The following WWTR1 variants were observed in gnomAD, a reference collection of about 807,000 sequenced individuals.
The protein encoded by WWTR1 is WW domain-containing transcription regulator protein 1.
A neutral mutation model predicts 40.1 loss-of-function variants in WWTR1; 13 were observed. That is an observed-to-expected ratio of 0.32 (90% CI 0.21 to 0.52). WWTR1 has a LOEUF of 0.52. WWTR1 is among the 20% of genes least tolerant of loss of function. The pLI is 0.97. For missense variants in WWTR1, 436 were observed against 523.1 expected (o/e 0.83, Z 1.63); for synonymous variants, 230 against 210.1 (o/e 1.09, Z -0.82).
intron 2 of WWTR1, among the ~76,000 whole-genome samples, chr3:149,667,237 T>C (rs937680805): frequency 6.6e-6 from 1 of 152,104 alleles, no homozygotes; most frequent in Non-Finnish European, 1.5e-5. Flanking sequence ...TGCATTTTGT[T>C]ATAGGAAAAA....
In WWTR1 at chr3:149,542,512, C is replaced by T; in HGVS notation, c.594G>A (p.Gln198=). 1.2e-6 allele frequency: 2 copies of T among 1,612,860 alleles called. No homozygotes were observed. Among genetic ancestry groups the T allele is most frequent in the Non-Finnish European group, 1.7e-6 (2 of 1,179,284 alleles). ...NLVMNHQHQQ[Q]MAPSTLSQQN... ...GCTGGCTCAGGGTACTGGGGGCCAT[C>T]TGCTGCTGGTGTTGGTGATTCATCA... is the stretch of plus-strand genomic sequence containing the variant. Residue 198 remains glutamine (Q), a synonymous_variant, in exon 4 of 7, where the codon CAG becomes CAA. Coordinates refer to ENST00000360632, the MANE Select transcript of WWTR1 (RefSeq NM_015472.6).
intron 2 of WWTR1, among the ~76,000 whole-genome samples, chr3:149,666,364 G>A (rs1713818391): frequency 6.6e-6 from 1 of 152,106 alleles, no homozygotes; most frequent in South Asian, 2.1e-4. Context: ...CAGTGCCTGT[G>A]GGCACCAGTT....
intron 4 of WWTR1, among the ~76,000 whole-genome samples, chr3:149,538,370 C>T (rs1386066523): frequency 6.6e-6 from 1 of 152,078 alleles, no homozygotes; most frequent in Non-Finnish European, 1.5e-5. Context: ...GCCTCACAGC[C>T]TTTGGGAAAT....
intron 3 of WWTR1, among the ~76,000 whole-genome samples, chr3:149,562,253 C>A (rs1308405799): frequency 1.3e-5 from 2 of 151,266 alleles, no homozygotes; most frequent in African/African-American, 4.9e-5. Flanking sequence ...CGAGGTCTTG[C>A]CACTGCACTC....
At chr3:149,724,346 T>C (rs1715823575) in intron 3 of WWTR1, 1 of 152,160 alleles carries the variant, frequency 6.6e-6, no homozygotes, top group Admixed American at 6.6e-5. Context: ...TTCCTGACAA[T>C]TCGTGGCTTC....
At chr3:149,640,411 T>C (rs1712102862) in intron 2 of WWTR1, among the ~76,000 whole-genome samples, 1 of 151,976 alleles carries the variant, frequency 6.6e-6, no homozygotes, top group Non-Finnish European at 1.5e-5. Context: ...TTAGAACCAA[T>C]ATAGATTGGT....
At chr3:149,694,847 A>G (rs1334330886) in intron 1 of WWTR1, among the ~76,000 whole-genome samples, 1 of 152,228 alleles carries the variant, frequency 6.6e-6, no homozygotes, top group African/African-American at 2.4e-5. Flanking sequence ...TATATCGAAG[A>G]GATGTCTGCA....
intron 4 of WWTR1, 111 bp downstream of exon 4, chr3:149,542,224 C>G: frequency 1.6e-6 from 2 of 1,277,426 alleles, no homozygotes; most frequent in African/African-American, 1.5e-5. Flanking sequence ...GCTTTGAGCC[C>G]TATTGTCTCT....
intron 2 of WWTR1, among the ~76,000 whole-genome samples, chr3:149,592,769 G>A (rs1382322001): frequency 2.0e-5 from 3 of 152,096 alleles, no homozygotes; most frequent in Non-Finnish European, 4.4e-5. Context: ...TTCTTAGTGT[G>A]CTTTCGAAAT....
intron 2 of WWTR1, among the ~76,000 whole-genome samples, chr3:149,606,771 A>T (rs1241385558): frequency 2.0e-5 from 3 of 152,248 alleles, no homozygotes; most frequent in African/African-American, 7.2e-5. Flanking sequence ...ACTCAGGGAA[A>T]GCTTCCATAA....
At chr3:149,671,387 G>A (rs888178256) in intron 1 of WWTR1, among the ~76,000 whole-genome samples, 1 of 152,118 alleles carries the variant, frequency 6.6e-6, no homozygotes, top group East Asian at 1.9e-4. Context: ...ATTCAGCCCA[G>A]GGAATCTACG....
chr3:149,563,541 T>C (rs940881707), intron 3 of WWTR1, among the ~76,000 whole-genome samples: 1 of 152,204 alleles, frequency 6.6e-6, no homozygotes, highest in African/African-American at 2.4e-5. Context: ...AATGCTCATG[T>C]GCGCACTAAC....
At chr3:149,698,781 C>T (rs1044255579) in intron 1 of WWTR1, among the ~76,000 whole-genome samples, 1 of 152,168 alleles carries the variant, frequency 6.6e-6, no homozygotes, top group Non-Finnish European at 1.5e-5. Flanking sequence ...TGGATTATAC[C>T]CTCTAGAACT....
chr3:149,720,558 T>C (rs1041799355), intron 4 of WWTR1, among the ~76,000 whole-genome samples: 1 of 152,144 alleles, frequency 6.6e-6, no homozygotes, highest in Non-Finnish European at 1.5e-5. Context: ...GTGTGAGTCC[T>C]CCAGCTTTGT....
At chr3:149,643,932 G>A (rs181209013) in intron 2 of WWTR1, among the ~76,000 whole-genome samples, 5 of 152,070 alleles carry the variant, frequency 3.3e-5, no homozygotes, top group Admixed American at 6.6e-5. Context: ...TCTCTTTACA[G>A]GGTCCATCAG....
intron 1 of WWTR1, among the ~76,000 whole-genome samples, chr3:149,683,616 C>T (rs1714533099): frequency 6.6e-6 from 1 of 152,140 alleles, no homozygotes; most frequent in Non-Finnish European, 1.5e-5. Flanking sequence ...ATCTCTGGAA[C>T]CTGGGAGGTG....
At chr3:149,710,212 C>A (rs1387188859) in intron 5 of WWTR1, among the ~76,000 whole-genome samples, 1 of 152,114 alleles carries the variant, frequency 6.6e-6, no homozygotes, top group African/African-American at 2.4e-5. Context: ...AAAATCTGAC[C>A]AGTTCAGGTC....
intron 2 of WWTR1, among the ~76,000 whole-genome samples, chr3:149,611,438 G>A (rs1739737920): frequency 6.6e-6 from 1 of 152,210 alleles, no homozygotes; most frequent in Admixed American, 6.5e-5. Flanking sequence ...GAGACCATGT[G>A]TCTGGCAAAG....
intron 2 of WWTR1, among the ~76,000 whole-genome samples, chr3:149,648,562 C>A (rs745355838): frequency 2.2e-4 from 34 of 152,118 alleles, no homozygotes; most frequent in Non-Finnish European, 4.4e-4. Context: ...AAAGTTCCTG[C>A]AGGATGTGGC....
Sources: gnomAD v4.1 joint callset for allele counts (sites outside exome capture counted in the v4.1 genomes callset) on GRCh38, gnomAD v4.1.1 for gene constraint, MANE v1.5 for transcripts, NCBI Gene and HGNC (gene_info 2026-07-23, HGNC 2026-07-21) for gene names.